Variants in DSCAM observed in about 807,000 individuals in gnomAD.
The protein encoded by DSCAM is DS cell adhesion molecule, also known as cell adhesion molecule DSCAM.
DSCAM carries 47 observed loss-of-function variants against 217.7 expected under a neutral mutation model. The observed-to-expected ratio is 0.22, with a 90% CI of 0.17 to 0.28. The LOEUF (loss-of-function observed/expected upper bound fraction) is 0.28, where lower values mean the gene tolerates loss of function less well. Among genes scored for constraint, DSCAM ranks in the 10% least tolerant of loss-of-function variants. The pLI, the probability that DSCAM is intolerant of heterozygous loss-of-function variation, is 1.00. For synonymous variants in DSCAM, 1,056 were observed against 1,015.3 expected (o/e 1.04, Z -0.76); for missense variants, 2,080 against 2,618.3 (o/e 0.79, Z 4.49).
At chr21:40,575,685 T>C (rs954942800) in intron 3 of DSCAM, among the ~76,000 whole-genome samples, 2 of 152,126 alleles carry the variant, frequency 1.3e-5, no homozygotes, top group Admixed American at 6.5e-5. Flanking sequence ...AATTTGCTAA[T>C]TGAAAGGCAT....
chr21:40,429,201 T>G (rs553754390), intron 3 of DSCAM, among the ~76,000 whole-genome samples: 7 of 152,084 alleles, frequency 4.6e-5, no homozygotes, highest in Non-Finnish European at 1.0e-4. Context: ...AAATGTCTTT[T>G]GCAAAATATA....
At chr21:40,472,735 G>GT (rs1025712159) in intron 3 of DSCAM, among the ~76,000 whole-genome samples, 1 of 148,508 alleles carries the variant, frequency 6.7e-6, no homozygotes, top group South Asian at 2.1e-4. Context: ...TAAATGTAAA[G>GT]TTTTTTTAAA....
intron 3 of DSCAM, among the ~76,000 whole-genome samples, chr21:40,439,807 G>C (rs1372788578): frequency 1.3e-5 from 2 of 152,092 alleles, no homozygotes. Flanking sequence ...AAAACCATCA[G>C]ATCTCATGAG....
chr21:40,699,765 G>T (rs1020329617), intron 2 of DSCAM, among the ~76,000 whole-genome samples: 1 of 152,216 alleles, frequency 6.6e-6, no homozygotes, highest in African/African-American at 2.4e-5. Flanking sequence ...CTGGAAGCTA[G>T]CAGAGGTTGG....
intron 3 of DSCAM, among the ~76,000 whole-genome samples, chr21:40,607,717 T>A (rs925142851): frequency 5.3e-5 from 8 of 152,182 alleles, no homozygotes; most frequent in African/African-American, 1.9e-4. Context: ...CTCTCTTGCC[T>A]GCTGCCATGT....
Position 40,588,142 on chromosome 21 carries a change from C to G in DSCAM, c.508+104668G>C, listed in dbSNP as rs1294804655. Among the ~76,000 whole-genome samples the G allele has an allele frequency of 3.3e-5, 5 of 152,146 alleles. No homozygotes were observed. The East Asian group carries it at 9.6e-4, about 29-fold the overall frequency. On this transcript the variant is annotated intron_variant, in intron 3 of 32. Transcript: ENST00000400454. Reference sequence around the variant, plus strand: ...TCCACATGACTCAGGATTACAGCCACAGACCTTGGCGGGCCCCTCAGCTGC... The same window carrying G: ...TCCACATGACTCAGGATTACAGCCAGAGACCTTGGCGGGCCCCTCAGCTGC...
At position 40,249,761 on chromosome 21, in the gene DSCAM, G is replaced by A. The variant is rs1014304728; in HGVS notation, c.2356+26336C>T. ...TAAGCTTTAGGAAACACAGAGTTGA[G>A]GTAATCATGGCTTCATGGGGAAAAT... On this transcript the variant is annotated intron_variant, in intron 11 of 32. Coordinates refer to ENST00000400454, the MANE Select transcript of DSCAM (RefSeq NM_001389.5). Among the ~76,000 whole-genome samples the A allele has an allele frequency of 2.0e-5, 3 of 152,106 alleles. No homozygotes were observed. In the South Asian group the frequency reaches 6.2e-4, roughly 32 times the overall value.
At chr21:40,298,084 C>CTTTTTTTTT (rs59908038) in intron 9 of DSCAM, among the ~76,000 whole-genome samples, 1 of 132,684 alleles carries the variant, frequency 7.5e-6, no homozygotes, top group African/African-American at 2.9e-5. Flanking sequence ...TTAGCTTTTA[C>CTTTTTTTTT]TTTTTTTTTT....
At position 40,587,878 on chromosome 21, in the gene DSCAM, T is replaced by A. The variant is rs1329331388; in HGVS notation, c.508+104932A>T. On this transcript the variant is annotated intron_variant, in intron 3 of 32. Coordinates refer to ENST00000400454, the MANE Select transcript of DSCAM (RefSeq NM_001389.5). ...ATTTGGCAAGATCAAAGCCCAGCAC[T>A]CAGTCAGCCCCAGTTTTAATCCCTG... Among the ~76,000 whole-genome samples, 4 of 152,208 alleles carry A rather than the reference T, an allele frequency of 2.6e-5. No individual in the cohort carries two copies. The East Asian group carries it at 7.7e-4, about 29-fold the overall frequency.
chr21:40,388,738 C>T (rs118157010), intron 3 of DSCAM, among the ~76,000 whole-genome samples: 4,987 of 152,272 alleles, frequency 0.033, 134 homozygotes, highest in Non-Finnish European at 0.05. Context: ...TGTGTTCAAT[C>T]CTACTAAAAC....
chr21:40,469,461 C>CA (rs2075870816), intron 3 of DSCAM, among the ~76,000 whole-genome samples: 1 of 152,078 alleles, frequency 6.6e-6, no homozygotes, highest in East Asian at 1.9e-4. Flanking sequence ...GCTGGAAAAA[C>CA]AAAATAGAAT....
intron 3 of DSCAM, among the ~76,000 whole-genome samples, chr21:40,407,387 C>A (rs1462511280): frequency 6.6e-6 from 1 of 152,208 alleles, no homozygotes; most frequent in South Asian, 2.1e-4. Flanking sequence ...TGCCTTAACT[C>A]CCAGATTCAA....
intron 3 of DSCAM, among the ~76,000 whole-genome samples, chr21:40,632,333 T>G (rs35938022): frequency 0.083 from 10,820 of 130,478 alleles, 446 homozygotes; most frequent in Middle Eastern, 0.16. Flanking sequence ...GAGAAAGTCG[T>G]TTACAAGAAT....
intron 6 of DSCAM, among the ~76,000 whole-genome samples, chr21:40,343,992 C>T (rs1478680702): frequency 6.6e-6 from 1 of 151,962 alleles, no homozygotes; most frequent in Non-Finnish European, 1.5e-5. Flanking sequence ...CAACCTCCAC[C>T]TCCTGGGTTC....
At chr21:40,246,798 G>A (rs1007305904) in intron 11 of DSCAM, among the ~76,000 whole-genome samples, 3 of 152,286 alleles carry the variant, frequency 2.0e-5, no homozygotes, top group African/African-American at 4.8e-5. Flanking sequence ...GAGACTGAGA[G>A]AGTCCCAGGG....
intron 8 of DSCAM, among the ~76,000 whole-genome samples, chr21:40,324,353 G>C (rs922370329): frequency 1.3e-5 from 2 of 151,992 alleles, no homozygotes; most frequent in Non-Finnish European, 2.9e-5. Flanking sequence ...TAAACTACTT[G>C]AAATTTGGGG....
At chr21:40,359,966 C>T (rs866309914) in intron 4 of DSCAM, among the ~76,000 whole-genome samples, 6 of 151,960 alleles carry the variant, frequency 3.9e-5, no homozygotes, top group South Asian at 2.1e-4. Context: ...AACTGTTTTA[C>T]GAAACCTGAA....
At chr21:40,781,997 A>AAAAC (rs1569033636) in intron 1 of DSCAM, among the ~76,000 whole-genome samples, 1 of 147,716 alleles carries the variant, frequency 6.8e-6, no homozygotes, top group Non-Finnish European at 1.5e-5. Context: ...AAATACAAAA[A>AAAAC]AAAAAAAAAA....
Position 40,602,143 on chromosome 21 carries a change from C to G in DSCAM, c.508+90667G>C, listed in dbSNP as rs532598684. Reference sequence around the variant, plus strand: ...TGGCTAGATCTCTGCTCACTACAACCTCTGTCTCCCAGGCTGAAGTAATTC... The same window carrying G: ...TGGCTAGATCTCTGCTCACTACAACGTCTGTCTCCCAGGCTGAAGTAATTC... On this transcript the variant is annotated intron_variant, in intron 3 of 32. Coordinates refer to ENST00000400454, the MANE Select transcript of DSCAM (RefSeq NM_001389.5). Among the ~76,000 whole-genome samples, 11 of 149,200 alleles carry G rather than the reference C, an allele frequency of 7.4e-5. No individual in the cohort carries two copies. The East Asian group carries it at 2.2e-3, about 30-fold the overall frequency.
Sources: gnomAD v4.1 joint callset for allele counts (sites outside exome capture counted in the v4.1 genomes callset) on GRCh38, gnomAD v4.1.1 for gene constraint, MANE v1.5 for transcripts, NCBI Gene and HGNC (gene_info 2026-07-23, HGNC 2026-07-21) for gene names.